DNAJB6: variants seen among roughly 807,000 people sequenced by gnomAD.
DNAJB6 encodes dnaJ homolog subfamily B member 6.
Under a neutral mutation model 42.7 loss-of-function variants are expected in DNAJB6, and 16 were observed. That is an observed-to-expected ratio of 0.37 (90% confidence interval 0.25 to 0.57). The LOEUF (loss-of-function observed/expected upper bound fraction) is 0.57, where lower values mean the gene tolerates loss of function less well. Among genes scored for constraint, DNAJB6 ranks in the 20% least tolerant of loss-of-function variants. The pLI, the probability that DNAJB6 is intolerant of heterozygous loss-of-function variation, is 0.74. For missense variants in DNAJB6, 347 were observed against 416.8 expected (o/e 0.83, Z 1.46); for synonymous variants, 170 against 163.5 (o/e 1.04, Z -0.30).
chr7:157,398,623 G>A (rs780558126), intron 8 of DNAJB6, among the ~76,000 whole-genome samples: 1 of 152,200 alleles, frequency 6.6e-6, no homozygotes, highest in African/African-American at 2.4e-5. Context: ...TGGCTTGAGG[G>A]GGGGGATGCT....
chr7:157,353,814 C>A (rs1235106656), intron 1 of DNAJB6, among the ~76,000 whole-genome samples: 1 of 150,720 alleles, frequency 6.6e-6, no homozygotes, highest in African/African-American at 2.5e-5. Context: ...AGACACATGC[C>A]ACCATGCACA....
intron 2 of DNAJB6, among the ~76,000 whole-genome samples, chr7:157,359,797 C>T (rs1799487868): frequency 6.6e-6 from 1 of 152,202 alleles, no homozygotes; most frequent in African/African-American, 2.4e-5. Flanking sequence ...CCAGCTTGGG[C>T]AACCAAGCCG....
At position 157,416,400 on chromosome 7, in the gene DNAJB6, A is replaced by C; in HGVS notation, c.*302A>C. 1 of 362,372 alleles carries C rather than the reference A, an allele frequency of 2.8e-6. No homozygotes were observed. The highest frequency in any genetic ancestry group is 3.9e-5 in the South Asian group (1 of 25,870). The allele number at this position is 362,372 out of a possible 1,614,324, so 22.4% of individuals were successfully genotyped here. A position where few individuals can be genotyped will look rare whatever the true frequency, so the allele number is the denominator to read the frequency against. On this transcript the variant is annotated 3_prime_UTR_variant, in exon 10 of 10. Coordinates refer to ENST00000262177, the MANE Select transcript of DNAJB6 (RefSeq NM_058246.4). ...CTTCATTCTTTTCGGCTACTCAACC[A>C]CTCCGCATGCTGCTGGAATATTTCT...
At chr7:157,404,514 T>C (rs1205161952) in intron 8 of DNAJB6, among the ~76,000 whole-genome samples, 34 of 144,300 alleles carry the variant, frequency 2.4e-4, no homozygotes, top group African/African-American at 8.7e-4. Flanking sequence ...CTTTTTTCTT[T>C]TCTTTTTTTT....
intron 8 of DNAJB6, among the ~76,000 whole-genome samples, chr7:157,403,354 A>G (rs1042226053): frequency 1.3e-5 from 2 of 152,208 alleles, no homozygotes; most frequent in African/African-American, 4.8e-5. Context: ...CTGTGAAGAT[A>G]AGCTGTCCAC....
At chr7:157,395,182 A>T (rs191985091) in intron 8 of DNAJB6, among the ~76,000 whole-genome samples, 2 of 152,230 alleles carry the variant, frequency 1.3e-5, no homozygotes, top group East Asian at 3.9e-4. Flanking sequence ...GGCTGGAAGC[A>T]TACTTGAGAG....
chr7:157,381,475 C>T (rs1180031685), intron 5 of DNAJB6: 1 of 152,056 alleles, frequency 6.6e-6, no homozygotes, highest in South Asian at 2.1e-4. Context: ...TTGATAACAG[C>T]AACAGAGGAA....
rs34284464 is a variant in DNAJB6 at position 157,415,764 on chromosome 7, C to T, written c.899-252C>T. ...TCCCAGGGTGGGCTTTTAGCTCTGC[C>T]GCTGGGCGGAACTCGGGTAGGTGGG... On this transcript the variant is annotated intron_variant, in intron 9 of 9. Transcript: ENST00000262177. 0.34 allele frequency among the ~76,000 whole-genome samples: 52,398 copies of T among 152,000 alleles called. 9,278 individuals carry two copies. The highest frequency in any genetic ancestry group is 0.53 in the Middle Eastern group (156 of 294).
chr7:157,405,621 C>G (rs7811566), intron 8 of DNAJB6, among the ~76,000 whole-genome samples: 1 of 152,278 alleles, frequency 6.6e-6, no homozygotes, highest in East Asian at 1.9e-4. Flanking sequence ...GTCTGGAGAG[C>G]CTGTCATGGC....
intron 5 of DNAJB6, chr7:157,370,656 C>T (rs1800163320): frequency 6.6e-6 from 1 of 152,590 alleles, no homozygotes. Context: ...TACTGAAGCG[C>T]TTTACTGTTA....
chr7:157,410,803 T>C (rs980160405), intron 9 of DNAJB6: 2 of 152,124 alleles, frequency 1.3e-5, no homozygotes, highest in Admixed American at 1.3e-4. Context: ...TGTCGTGAGG[T>C]TACTTCTGTG....
chr7:157,349,073 C>G (rs2116892805), intron 1 of DNAJB6, among the ~76,000 whole-genome samples: 1 of 146,188 alleles, frequency 6.8e-6, no homozygotes, highest in Non-Finnish European at 1.5e-5. Flanking sequence ...TAGATGAGGG[C>G]TTGCTGTGTT....
intron 5 of DNAJB6, chr7:157,368,518 T>G (rs560616377): frequency 6.6e-6 from 1 of 152,404 alleles, no homozygotes; most frequent in African/African-American, 2.4e-5. Flanking sequence ...AGGGAGACAG[T>G]GCTGTTATAG....
intron 1 of DNAJB6, among the ~76,000 whole-genome samples, chr7:157,355,396 G>A (rs1303108437): frequency 2.0e-5 from 3 of 152,154 alleles, no homozygotes; most frequent in South Asian, 2.1e-4. Flanking sequence ...TCCTGACCTC[G>A]TGATCTGCCC....
At chr7:157,383,265 C>G (rs1185430707) in intron 6 of DNAJB6, among the ~76,000 whole-genome samples, 1 of 152,156 alleles carries the variant, frequency 6.6e-6, no homozygotes, top group Non-Finnish European at 1.5e-5. Flanking sequence ...CTTGGCCTCC[C>G]AAAGTGCTAG....
intron 5 of DNAJB6, among the ~76,000 whole-genome samples, chr7:157,367,845 G>C (rs1052708908): frequency 6.6e-6 from 1 of 151,892 alleles, no homozygotes; most frequent in Non-Finnish European, 1.5e-5. Context: ...GGCAACAAGA[G>C]TGAAACTCCT....
intron 3 of DNAJB6, 27 bp downstream of exon 3, chr7:157,363,297 C>A: frequency 1.3e-6 from 2 of 1,522,748 alleles, no homozygotes; most frequent in Non-Finnish European, 9.1e-7. Context: ...TGCTGAAGGA[C>A]CCTGAGCGGG....
At chr7:157,405,416 A>G (rs1795729421) in intron 8 of DNAJB6, among the ~76,000 whole-genome samples, 1 of 151,804 alleles carries the variant, frequency 6.6e-6, no homozygotes, top group South Asian at 2.1e-4. Context: ...GCATTCCCAT[A>G]TCTTGTGAGG....
intron 8 of DNAJB6, among the ~76,000 whole-genome samples, chr7:157,391,486 C>T (rs914283897): frequency 2.0e-5 from 3 of 152,200 alleles, no homozygotes; most frequent in African/African-American, 4.8e-5. Flanking sequence ...CGGCCTCCTG[C>T]GGTGGCTGCT....
Sources: gnomAD v4.1 joint callset for allele counts (sites outside exome capture counted in the v4.1 genomes callset) on GRCh38, gnomAD v4.1.1 for gene constraint, MANE v1.5 for transcripts, NCBI Gene and HGNC (gene_info 2026-07-23, HGNC 2026-07-21) for gene names.